Variants in WASF3 observed in about 807,000 individuals in gnomAD.
The protein encoded by WASF3 is WASP family member 3.
In WASF3, 11 loss-of-function variants were observed where a neutral mutation model predicts 46.6. That is an observed-to-expected ratio of 0.24 (90% CI 0.15 to 0.39). The LOEUF (loss-of-function observed/expected upper bound fraction) is 0.39. Ranked by LOEUF, WASF3 falls within the 10% of genes least tolerant of loss-of-function variation. WASF3 has a pLI of 1.00. For missense variants in WASF3, 576 were observed against 669.8 expected, an observed-to-expected ratio of 0.86 and a Z score of 1.55; for synonymous variants, 242 against 259.7, an observed-to-expected ratio of 0.93 and a Z score of 0.65.
At chr13:26,565,690 G>C (rs1352390244) in intron 1 of WASF3, among the ~76,000 whole-genome samples, 2 of 152,140 alleles carry the variant, frequency 1.3e-5, no homozygotes, top group Admixed American at 1.3e-4. Flanking sequence ...TGTTTCCCAA[G>C]GCTTCTCTAG....
At chr13:26,657,012 A>C (rs1882487238) in intron 3 of WASF3, among the ~76,000 whole-genome samples, 1 of 152,216 alleles carries the variant, frequency 6.6e-6, no homozygotes, top group Admixed American at 6.5e-5. Context: ...CCTAGAGAAG[A>C]GCCTTCCCAA....
chr13:26,542,954 A>G, the WASF3 span, among the ~76,000 whole-genome samples: 1 of 152,204 alleles, frequency 6.6e-6, no homozygotes, highest in East Asian at 1.9e-4. Context: ...TGCAGTTTTA[A>G]TGGGACAAAG....
chr13:26,669,516 T>A (rs557132070), intron 5 of WASF3, among the ~76,000 whole-genome samples: 1,862 of 23,064 alleles, frequency 0.081, 35 homozygotes, highest in African/African-American at 0.35. Context: ...AAAAAAAAAT[T>A]TTTTTTTTTG....
At chr13:26,586,208 G>A (rs10507369) in intron 1 of WASF3, among the ~76,000 whole-genome samples, 12,023 of 151,848 alleles carry the variant, frequency 0.079, 810 homozygotes, top group African/African-American at 0.18. Context: ...TTTGAAAGAC[G>A]TTTTCTTCTT....
chr13:26,550,636 T>G, the WASF3 span, among the ~76,000 whole-genome samples: 1 of 152,146 alleles, frequency 6.6e-6, no homozygotes, highest in Non-Finnish European at 1.5e-5. Context: ...CCTCCCAAGG[T>G]TCTGGGGTCC....
At chr13:26,680,349 G>A (rs1477528734) in intron 7 of WASF3, 9 of 943,152 alleles carry the variant, frequency 9.5e-6, no homozygotes, top group Admixed American at 3.4e-5. Context: ...CGGCACTGCC[G>A]GGCTGCCACA....
chr13:26,638,859 A>G (rs535447025), intron 2 of WASF3: 22 of 152,272 alleles, frequency 1.4e-4, no homozygotes, highest in African/African-American at 4.6e-4. Flanking sequence ...TGCTTTCCCT[A>G]TGTGGTAAGT....
At chr13:26,645,567 T>G (rs1882125649) in intron 3 of WASF3, among the ~76,000 whole-genome samples, 1 of 152,170 alleles carries the variant, frequency 6.6e-6, no homozygotes, top group South Asian at 2.1e-4. Context: ...ATTGTGATTA[T>G]CAGCAGCCTA....
intron 9 of WASF3, among the ~76,000 whole-genome samples, chr13:26,685,037 A>T (rs1465671757): frequency 6.6e-6 from 1 of 151,388 alleles, no homozygotes. Flanking sequence ...GCAGTGAGCC[A>T]TGATCGTAAC....
intron 1 of WASF3, among the ~76,000 whole-genome samples, chr13:26,597,827 GGT>G (rs1880520894): frequency 2.0e-5 from 3 of 152,138 alleles, no homozygotes; most frequent in African/African-American, 7.2e-5. Context: ...AGTATTCCAT[GGT>G]GTATATGTGC....
At chr13:26,649,275 A>G (rs900252522) in intron 3 of WASF3, among the ~76,000 whole-genome samples, 1 of 152,194 alleles carries the variant, frequency 6.6e-6, no homozygotes, top group Non-Finnish European at 1.5e-5. Context: ...TAAATATGAG[A>G]TAGGTGGAAA....
In WASF3 at chr13:26,688,932, G is replaced by A. The variant is rs2137536930; in HGVS notation, c.*3087G>A. On this transcript the variant is annotated 3_prime_UTR_variant, in exon 10 of 10. Transcript: ENST00000335327. ...AAAATTACACTTTTAACCCTAAGAG[G>A]TTTTGCTTATTAATAACAGTGTTGT... 1 of 152,264 alleles carries A rather than the reference G, an allele frequency of 6.6e-6. No homozygotes were observed. The highest frequency in any genetic ancestry group is 1.5e-5 in the Non-Finnish European group (1 of 68,028). 9.4% of individuals were successfully genotyped at this position (152,264 alleles called of 1,614,324 possible).
intron 1 of WASF3, among the ~76,000 whole-genome samples, chr13:26,576,683 T>C (rs1879806420): frequency 6.6e-6 from 1 of 152,202 alleles, no homozygotes; most frequent in African/African-American, 2.4e-5. Flanking sequence ...ATCATATTCA[T>C]TTTTCATAGT....
At chr13:26,578,291 G>A (rs1429261194) in intron 1 of WASF3, among the ~76,000 whole-genome samples, 2 of 152,096 alleles carry the variant, frequency 1.3e-5, no homozygotes, top group Admixed American at 6.6e-5. Context: ...TTACCAGGTT[G>A]AAAAATTTTT....
In WASF3 at chr13:26,577,112, A is replaced by G. The variant is rs147790801; in HGVS notation, c.-109+19293A>G. The stretch of plus-strand genomic sequence containing the variant: ...GAAGTGAGTCTTGCTGATTTGCAGA[A>G]AGATGAGATTGCATTTAGAAAATTC... On this transcript the variant is annotated intron_variant, in intron 1 of 9. Transcript: ENST00000335327. The G allele has an allele frequency of 2.1e-5, 17 of 791,488 alleles. No individual in the cohort carries two copies. In the African/African-American group the frequency reaches 2.9e-4, roughly 13 times the overall value. The allele number at this position is 791,488 out of a possible 1,614,324, so 49.0% of individuals were successfully genotyped here. A position where few individuals can be genotyped will look rare whatever the true frequency, so the allele number is the denominator to read the frequency against.
chr13:26,574,813 C>T (rs139279729), intron 1 of WASF3, among the ~76,000 whole-genome samples: 190 of 150,236 alleles, frequency 1.3e-3, no homozygotes, highest in African/African-American at 4.4e-3. Context: ...CCATTGAATT[C>T]GTACTTTTGT....
the WASF3 span, among the ~76,000 whole-genome samples, chr13:26,548,005 G>T: frequency 6.6e-6 from 1 of 152,186 alleles, no homozygotes; most frequent in African/African-American, 2.4e-5. Flanking sequence ...GCAGAGCAAG[G>T]TTTTGCTCTA....
At chr13:26,558,000 C>T (rs1879152795) in intron 1 of WASF3, among the ~76,000 whole-genome samples, 181 bp downstream of exon 1, 3 of 150,844 alleles carry the variant, frequency 2.0e-5, no homozygotes, top group Non-Finnish European at 4.4e-5. Flanking sequence ...TCGCGCCTAT[C>T]CCTGCAGCCC....
At chr13:26,628,880 C>T (rs990651762) in intron 2 of WASF3, among the ~76,000 whole-genome samples, 2 of 152,230 alleles carry the variant, frequency 1.3e-5, no homozygotes, top group African/African-American at 4.8e-5. Flanking sequence ...CCCACATGTC[C>T]TCCTCCTTGG....
Sources: allele counts gnomAD v4.1 joint callset (sites outside exome capture counted in the v4.1 genomes callset), GRCh38; gene constraint gnomAD v4.1.1; transcripts MANE v1.5; gene names NCBI Gene and HGNC (gene_info 2026-07-23, HGNC 2026-07-21).